Variants in HHIPL1 observed in about 807,000 individuals in gnomAD.
The protein encoded by HHIPL1 is HHIP-like protein 1.
In HHIPL1, 43 loss-of-function variants were observed where a neutral mutation model predicts 61.8. The ratio of observed to expected loss-of-function variants is 0.70; its 90% CI spans 0.55 to 0.90. The LOEUF is 0.90. HHIPL1 is among the 40% of genes least tolerant of loss of function. The pLI, the probability that HHIPL1 is intolerant of heterozygous loss-of-function variation, is 0.00. For missense variants in HHIPL1, 1,056 were observed against 1,157.7 expected, an observed-to-expected ratio of 0.91 and a Z score of 1.28; for synonymous variants, 482 against 515.8, an observed-to-expected ratio of 0.93 and a Z score of 0.89.
chr14:99,619,461 CAAAA>C, the HHIPL1 span, among the ~76,000 whole-genome samples: 2 of 106,778 alleles, frequency 1.9e-5, no homozygotes, highest in Non-Finnish European at 2.0e-5. Flanking sequence ...GACTCCATCT[CAAAA>C]AAAAAAAAAA....
At chr14:99,641,606 G>A (rs1595140783), upstream of HHIPL1, among the ~76,000 whole-genome samples, 2 of 151,682 alleles carry the variant, frequency 1.3e-5, no homozygotes, top group Non-Finnish European at 2.9e-5. Context: ...TAGAGCGGGG[G>A]TTTCACAATG....
the HHIPL1 span, among the ~76,000 whole-genome samples, chr14:99,640,051 G>A: frequency 2.0e-5 from 3 of 152,128 alleles, no homozygotes; most frequent in African/African-American, 7.2e-5. Context: ...TGATAGAGAT[G>A]GATTACCATC....
chr14:99,670,009 G>T (rs752416119), intron 7 of HHIPL1, among the ~76,000 whole-genome samples: 40 of 152,066 alleles, frequency 2.6e-4, no homozygotes, highest in Admixed American at 6.6e-5. Context: ...CTTACCCTGT[G>T]TCCCTTATTA....
At chr14:99,608,203 G>C in the HHIPL1 span, among the ~76,000 whole-genome samples, 1 of 152,058 alleles carries the variant, frequency 6.6e-6, no homozygotes, top group African/African-American at 2.4e-5. Context: ...GTCGGGAAGA[G>C]GTTGAGCGAT....
At chr14:99,608,271 G>C in the HHIPL1 span, among the ~76,000 whole-genome samples, 3 of 152,098 alleles carry the variant, frequency 2.0e-5, no homozygotes, top group African/African-American at 7.2e-5. Flanking sequence ...CCTTTCCCTG[G>C]GAGCTCTGAT....
rs933618187 is a variant in HHIPL1, at chr14:99,660,204, T to G, written c.1376-76T>G. On this transcript the variant is annotated intron_variant, in intron 4 of 8. Transcript: ENST00000330710. This position sits in a 1 kb window ranked among gnomAD's most constrained non-coding sequence, Gnocchi z 4.9. ...CCGTGGCCGCCCCACCCCCGCGGAA[T>G]CCCTCCGGAATTCTCCTGGCTGATG... The G allele has an allele frequency of 1.3e-6, 2 of 1,505,742 alleles. No homozygotes were observed. Among genetic ancestry groups the G allele is most frequent in the African/African-American group, 2.8e-5 (2 of 71,572 alleles). 93.3% of individuals were successfully genotyped at this position (1,505,742 alleles called of 1,614,324 possible). A position where few individuals can be genotyped will look rare whatever the true frequency, so the allele number is the denominator to read the frequency against.
At chr14:99,653,046 C>T (rs1335580838) in intron 2 of HHIPL1, among the ~76,000 whole-genome samples, 176 bp downstream of exon 2, 2 of 152,220 alleles carry the variant, frequency 1.3e-5, no homozygotes, top group Non-Finnish European at 2.9e-5. Context: ...ACAGACCTCA[C>T]ACAGGCATCA....
chr14:99,634,678 G>T, the HHIPL1 span, among the ~76,000 whole-genome samples: 1 of 152,154 alleles, frequency 6.6e-6, no homozygotes, highest in Non-Finnish European at 1.5e-5. Flanking sequence ...AAGGAAACGG[G>T]CTCAGCCAGG....
At position 99,659,708 on chromosome 14, in the gene HHIPL1, G is replaced by T; in HGVS notation, c.1327G>T (p.Glu443Ter). 6.7e-7 allele frequency: 1 copy of T among 1,489,254 alleles called. No individual in the cohort carries two copies. The highest frequency in any genetic ancestry group is 1.4e-5 in the South Asian group (1 of 73,856). The allele number at this position is 1,489,254 out of a possible 1,614,324, so 92.3% of individuals were successfully genotyped here. A position where few individuals can be genotyped will look rare whatever the true frequency, so the allele number is the denominator to read the frequency against. The change falls in exon 4 of 9, where the codon GAA becomes TAA. Residue 443 changes from glutamate (E) to a stop codon, truncating the protein, a stop_gained. Transcript: ENST00000330710. LOFTEE classifies it high-confidence loss of function. ...RGGNYGWRAR[E>*]GFECYDRSLC... ...CGGCAACTATGGCTGGCGCGCGCGCGAAGGGTTCGAGTGCTACGACCGCAG... is the reference window on the plus strand; with the variant it reads ...CGGCAACTATGGCTGGCGCGCGCGCTAAGGGTTCGAGTGCTACGACCGCAG...
chr14:99,665,326 T>C (rs1015762861), intron 6 of HHIPL1, among the ~76,000 whole-genome samples: 2 of 152,222 alleles, frequency 1.3e-5, no homozygotes, highest in African/African-American at 4.8e-5. Flanking sequence ...CAGCACAGCC[T>C]GTGTGTCTGG....
intron 7 of HHIPL1, among the ~76,000 whole-genome samples, chr14:99,671,259 G>A (rs11621243): frequency 0.15 from 23,365 of 152,234 alleles, 2,273 homozygotes; most frequent in Non-Finnish European, 0.22. Flanking sequence ...GTGGCATTTT[G>A]GGGTGGATAT....
chr14:99,645,487 C>T (rs1308138408), intron 1 of HHIPL1, 25 bp downstream of exon 1: 3 of 1,261,612 alleles, frequency 2.4e-6, no homozygotes, highest in Non-Finnish European at 3.0e-6. Context: ...GGCCACCGGG[C>T]GGGGCGGGGC....
rs2056281562 is a variant in HHIPL1, at chr14:99,668,372, C to A, written c.1730+69C>A. On this transcript the variant is annotated intron_variant, in intron 7 of 8. Transcript: ENST00000330710. The surrounding 1 kb of genome is among the most constrained non-coding windows in gnomAD (Gnocchi z 4.7). ...GGCCTCTTAGCTCCACGGGCTTGTC[C>A]CCTCCGCCTCGCCCTCAGGTGGGTG... is the stretch of plus-strand genomic sequence containing the variant. 2 of 931,134 alleles carry A rather than the reference C, an allele frequency of 2.1e-6. No individual in the cohort carries two copies. Among genetic ancestry groups the A allele is most frequent in the African/African-American group, 1.6e-5 (1 of 61,950 alleles). The allele number at this position is 931,134 out of a possible 1,614,324, so 57.7% of individuals were successfully genotyped here.
chr14:99,629,293 CAA>C, the HHIPL1 span, among the ~76,000 whole-genome samples: 49 of 152,134 alleles, frequency 3.2e-4, no homozygotes, highest in Admixed American at 1.1e-3. Flanking sequence ...GTGAAATAAA[CAA>C]GAGGCAGAAC....
At chr14:99,616,342 T>A in the HHIPL1 span, among the ~76,000 whole-genome samples, 1 of 152,202 alleles carries the variant, frequency 6.6e-6, no homozygotes, top group African/African-American at 2.4e-5. Context: ...CCAGATCATA[T>A]CCTCGTCATT....
chr14:99,678,945 G>A lies in HHIPL1; in HGVS notation c.*3319G>A, dbSNP rs2056415612. On this transcript the variant is annotated 3_prime_UTR_variant, in exon 9 of 9. Coordinates refer to ENST00000330710, the MANE Select transcript of HHIPL1 (RefSeq NM_001127258.3). ...AGAGGAACTTTTACTTTCTACAACA[G>A]CTGACCTCTGCTGAGCGCTTACTAC... The A allele has an allele frequency of 6.6e-6, 1 of 152,232 alleles. No homozygotes were observed. Among genetic ancestry groups the A allele is most frequent in the East Asian group, 1.9e-4 (1 of 5,202 alleles). 9.4% of individuals were successfully genotyped at this position (152,232 alleles called of 1,614,324 possible). A position where few individuals can be genotyped will look rare whatever the true frequency, so the allele number is the denominator to read the frequency against.
At chr14:99,643,568 A>G (rs558716741), upstream of HHIPL1, among the ~76,000 whole-genome samples, 1 of 152,130 alleles carries the variant, frequency 6.6e-6, no homozygotes, top group East Asian at 1.9e-4. Context: ...ACTCATCTGG[A>G]GCCCTGTGTT....
At chr14:99,627,135 C>G in the HHIPL1 span, among the ~76,000 whole-genome samples, 1 of 151,070 alleles carries the variant, frequency 6.6e-6, no homozygotes, top group Non-Finnish European at 1.5e-5. This position sits in a 1 kb window ranked among gnomAD's most constrained non-coding sequence, Gnocchi z 4.4. Flanking sequence ...CATCCACCCA[C>G]CTACCCATCC....
intron 1 of HHIPL1, among the ~76,000 whole-genome samples, chr14:99,651,063 A>G (rs2055922045): frequency 6.6e-6 from 1 of 152,220 alleles, no homozygotes; most frequent in African/African-American, 2.4e-5. Context: ...ATCCTGGGCA[A>G]CATGGCAAAA....
Sources: gnomAD v4.1 joint callset for allele counts (sites outside exome capture counted in the v4.1 genomes callset) on GRCh38, gnomAD v4.1.1 for gene constraint, Gnocchi (gnomAD v3.1) non-coding constraint, MANE v1.5 for transcripts, NCBI Gene and HGNC (gene_info 2026-07-23, HGNC 2026-07-21) for gene names.